ESPNL: variants seen among roughly 807,000 people sequenced by gnomAD.
ESPNL encodes espin like.
A neutral mutation model predicts 46.8 loss-of-function variants in ESPNL; 49 were observed. The ratio of observed to expected loss-of-function variants is 1.05; its 90% CI spans 0.83 to 1.33. The LOEUF is 1.33. Among genes scored for constraint, ESPNL ranks in the 40% most tolerant of loss-of-function variants. The pLI, the probability that ESPNL is intolerant of heterozygous loss-of-function variation, is 0.00. For synonymous variants in ESPNL, 664 were observed against 662.1 expected, an observed-to-expected ratio of 1.00 and a Z score of -0.04; for missense variants, 1,540 against 1,436.6, an observed-to-expected ratio of 1.07 and a Z score of -1.16.
At chr2:238,130,004 G>C in intron 8 of ESPNL, 124 bp from the exon 9 acceptor site, 1 of 1,132,252 alleles carries the variant, frequency 8.8e-7, no homozygotes, top group Admixed American at 2.7e-5. Flanking sequence ...GCCCTTTAAA[G>C]TCTTACCTTG....
rs1562333 is a variant in ESPNL at position 238,101,936 on chromosome 2, G to C, written c.295-5G>C. On this transcript the variant is annotated splice_polypyrimidine_tract_variant and splice_region_variant and intron_variant, in intron 1 of 8. Transcript: ENST00000343063. ...CCACTCACTGACCTACCCGGGGCTT[G>C]GTAGGACCAAGATGCCTCGGGCGTC... 0.39 allele frequency: 622,605 copies of C among 1,601,432 alleles called. 130,798 individuals carry two copies. Among genetic ancestry groups the C allele is most frequent in the Non-Finnish European group, 0.43 (508,383 of 1,175,396 alleles).
chr2:238,104,793 C>A lies in ESPNL; in HGVS notation c.623C>A (p.Ala208Asp). The change falls in exon 3 of 9, where the codon GCC becomes GAC. Residue 208 changes from alanine (A) to aspartate (D), a missense_variant. Transcript: ENST00000343063. Reference sequence around the variant, plus strand: ...CTTCGTGCTCTCGATGGCATGAGCGCCCTGCACGCTGCCGCCGCCCGTGGC... The same window carrying A: ...CTTCGTGCTCTCGATGGCATGAGCGACCTGCACGCTGCCGCCGCCCGTGGC... ...VHLRALDGMS[A>D]LHAAAARGHY... The A allele has an allele frequency of 6.3e-7, 1 of 1,578,886 alleles. No homozygotes were observed. Among genetic ancestry groups the A allele is most frequent in the Non-Finnish European group, 8.6e-7 (1 of 1,164,272 alleles).
intron 4 of ESPNL, among the ~76,000 whole-genome samples, chr2:238,115,566 G>A (rs149285064): frequency 4.4e-4 from 67 of 152,356 alleles, no homozygotes; most frequent in Admixed American, 8.5e-4. Context: ...CACACCCGCC[G>A]CTCCACATGC....
chr2:238,110,828 C>G (rs945380547), intron 4 of ESPNL, among the ~76,000 whole-genome samples: 1 of 152,182 alleles, frequency 6.6e-6, no homozygotes, highest in African/African-American at 2.4e-5. Flanking sequence ...TTGGCTCTGA[C>G]AGCTTTTTCC....
chr2:238,126,583 T>C (rs1055010181), intron 6 of ESPNL, among the ~76,000 whole-genome samples: 156 of 114,160 alleles, frequency 1.4e-3, no homozygotes, highest in African/African-American at 5.0e-3. Flanking sequence ...GTGTCTGTGA[T>C]TGTGTCTGTG....
chr2:238,120,918 T>C (rs926283042), intron 5 of ESPNL, among the ~76,000 whole-genome samples: 2 of 152,210 alleles, frequency 1.3e-5, no homozygotes, highest in African/African-American at 4.8e-5. Context: ...ATCTTCCCCA[T>C]GACAGCACAG....
At chr2:238,124,732 G>A (rs1692064470) in intron 5 of ESPNL, among the ~76,000 whole-genome samples, 2 of 144,152 alleles carry the variant, frequency 1.4e-5, no homozygotes, top group South Asian at 4.4e-4. Flanking sequence ...CATGTGTGCA[G>A]GAGAGTACAT....
intron 8 of ESPNL, among the ~76,000 whole-genome samples, chr2:238,129,404 C>T (rs905224978): frequency 1.3e-5 from 2 of 152,150 alleles, no homozygotes; most frequent in African/African-American, 4.8e-5. Flanking sequence ...ACCTCCTAGG[C>T]AGAGGGAACA....
chr2:238,117,082 C>T (rs1224167819), intron 5 of ESPNL, 48 bp downstream of exon 5: 3 of 1,564,554 alleles, frequency 1.9e-6, no homozygotes, highest in African/African-American at 1.3e-5. Context: ...GGGGTGGGCC[C>T]AGACCCCAGC....
intron 7 of ESPNL, 134 bp from the exon 8 acceptor site, chr2:238,128,573 C>T: frequency 2.6e-6 from 2 of 759,486 alleles, no homozygotes; most frequent in South Asian, 3.6e-5. Flanking sequence ...TCCGTGGCCC[C>T]CACTGTCCCT....
intron 8 of ESPNL, 82 bp downstream of exon 8, chr2:238,128,986 A>G: frequency 2.0e-6 from 3 of 1,477,216 alleles, no homozygotes; most frequent in East Asian, 5.0e-5. Context: ...GGGCGCCCGA[A>G]GCCCAGAACT....
At chr2:238,122,946 T>G (rs182262572) in intron 5 of ESPNL, among the ~76,000 whole-genome samples, 11 of 152,216 alleles carry the variant, frequency 7.2e-5, no homozygotes, top group African/African-American at 2.7e-4. Context: ...AGCCTCTCGC[T>G]ATGTCTTGAA....
intron 5 of ESPNL, among the ~76,000 whole-genome samples, chr2:238,118,932 G>T (rs1181155438): frequency 7.5e-6 from 1 of 132,544 alleles, no homozygotes; most frequent in Non-Finnish European, 1.6e-5. Flanking sequence ...TAATGGAGGA[G>T]GAATGGATGG....
chr2:238,102,133 TAAG>T lies in ESPNL; in HGVS notation c.485+3_485+5del. ...GCTCCTGACAGCCGCGCATGGCAGG[TAAG>T]GAGCCCAAAGTCCCGCCTGGGGGGG... is the stretch of plus-strand genomic sequence containing the variant. On this transcript the variant is annotated splice_donor_5th_base_variant and intron_variant, in intron 2 of 8. Transcript: ENST00000343063. The T allele has an allele frequency of 1.3e-6, 2 of 1,532,064 alleles. No individual in the cohort carries two copies. The highest frequency in any genetic ancestry group is 2.3e-4 in the Middle Eastern group (1 of 4,298). The allele number at this position is 1,532,064 out of a possible 1,614,324, so 94.9% of individuals were successfully genotyped here.
At position 238,131,256 on chromosome 2, in the gene ESPNL, G is replaced by T; in HGVS notation, c.2542G>T (p.Val848Leu). 1 of 1,573,310 alleles carries T rather than the reference G, an allele frequency of 6.4e-7. No homozygotes were observed. Among genetic ancestry groups the T allele is most frequent in the Non-Finnish European group, 8.6e-7 (1 of 1,162,150 alleles). ...QFLPHVDGAP[V>L]PYSSLSLDLF... ...CCTGCCCCACGTGGACGGGGCTCCG[G>T]TGCCCTACAGCAGCCTCTCACTGGA... Residue 848 changes from valine to leucine, a missense_variant, in exon 9 of 9, where the codon GTG becomes TTG. Coordinates refer to ENST00000343063, the MANE Select transcript of ESPNL (RefSeq NM_194312.4).
chr2:238,124,675 G>GTGTGTGTGCAGGAGAGTACGGGCA (rs1692061592), intron 5 of ESPNL, among the ~76,000 whole-genome samples: 1 of 145,296 alleles, frequency 6.9e-6, no homozygotes, highest in Non-Finnish European at 1.5e-5. Context: ...GTGTACATGT[G>GTGTGTGTGCAGGAGAGTACGGGCA]TGTGTGTGCA....
chr2:238,127,372 G>T, intron 6 of ESPNL: 1 of 1,281,838 alleles, frequency 7.8e-7, no homozygotes, highest in East Asian at 3.3e-5. Flanking sequence ...GCTGCAGGAG[G>T]GGCCGCGGCG....
At position 238,130,931 on chromosome 2, in the gene ESPNL, G is replaced by A; in HGVS notation, c.2217G>A (p.Glu739=). The change falls in exon 9 of 9, where the codon GAG becomes GAA. Residue 739 remains glutamate, a synonymous_variant. Coordinates refer to ENST00000343063, the MANE Select transcript of ESPNL (RefSeq NM_194312.4). ...CAGACCTGGCCAGCCTGCGCAAGGA[G>A]CGCATCATCATGCTCTTCCTCAGCC... ...AGPDLASLRK[E]RIIMLFLSHW... 5.8e-6 allele frequency: 9 copies of A among 1,549,830 alleles called. No homozygotes were observed. Among genetic ancestry groups the A allele is most frequent in the Non-Finnish European group, 7.8e-6 (9 of 1,147,738 alleles).
rs1230781801 is a variant in ESPNL at position 238,130,558 on chromosome 2, A to G, written c.1844A>G (p.Gln615Arg). ...CTGAAGGGCGTGCATGGGCTAGTACAGGGGGATGAGAAGCCATCCACCCGG... is the reference window on the plus strand; with the variant it reads ...CTGAAGGGCGTGCATGGGCTAGTACGGGGGGATGAGAAGCCATCCACCCGG... ...LLLKGVHGLVQGDEKPSTRPL... is the reference protein window; with the variant it reads ...LLLKGVHGLVRGDEKPSTRPL... Residue 615 changes from glutamine (Q) to arginine (R), a missense_variant, in exon 9 of 9, where the codon CAG becomes CGG. Transcript: ENST00000343063. The G allele has an allele frequency of 1.3e-6, 2 of 1,586,664 alleles. No homozygotes were observed. The highest frequency in any genetic ancestry group is 2.3e-5 in the South Asian group (2 of 87,316).
Sources: allele counts gnomAD v4.1 joint callset (sites outside exome capture counted in the v4.1 genomes callset), GRCh38; gene constraint gnomAD v4.1.1; transcripts MANE v1.5; gene names NCBI Gene and HGNC (gene_info 2026-07-23, HGNC 2026-07-21).